Variants in RIMBP2 observed in about 807,000 individuals in gnomAD.
RIMBP2 encodes the protein RIMS binding protein 2.
RIMBP2 carries 48 observed loss-of-function variants against 118.6 expected under a neutral mutation model. That is an observed-to-expected ratio of 0.40 (90% CI 0.32 to 0.51). The LOEUF is 0.51. Among genes scored for constraint, RIMBP2 ranks in the 20% least tolerant of loss-of-function variants. The pLI, the probability that RIMBP2 is intolerant of heterozygous loss-of-function variation, is 0.41. For synonymous variants in RIMBP2, 762 were observed against 742.9 expected (o/e 1.03, Z -0.42); for missense variants, 1,551 against 1,768.3 (o/e 0.88, Z 2.20).
At chr12:130,707,708 G>A (rs982286796) in intron 1 of RIMBP2, among the ~76,000 whole-genome samples, 11 of 152,166 alleles carry the variant, frequency 7.2e-5, no homozygotes, top group African/African-American at 2.4e-5. Flanking sequence ...GGACACAGGA[G>A]GCCTGGGGGC....
intron 2 of RIMBP2, among the ~76,000 whole-genome samples, chr12:130,603,633 TC>T (rs2059995299): frequency 6.6e-6 from 1 of 152,194 alleles, no homozygotes; most frequent in African/African-American, 2.4e-5. Context: ...GAACAATGTT[TC>T]CGTCAAGGAG....
intron 22 of RIMBP2, chr12:130,397,872 G>A (rs1270217902): frequency 1.0e-5 from 2 of 193,284 alleles, no homozygotes; most frequent in Admixed American, 6.1e-5. Context: ...AAATTAGGTT[G>A]ATAGTAAAGT....
intron 2 of RIMBP2, among the ~76,000 whole-genome samples, chr12:130,596,718 C>T (rs1031829783): frequency 1.2e-4 from 19 of 152,324 alleles, no homozygotes; most frequent in African/African-American, 4.6e-4. Flanking sequence ...TTAAGAGCCC[C>T]TAACAGCCCC....
At chr12:130,404,488 C>T (rs1010992852) in intron 21 of RIMBP2, among the ~76,000 whole-genome samples, 1 of 152,064 alleles carries the variant, frequency 6.6e-6, no homozygotes, top group African/African-American at 2.4e-5. Flanking sequence ...TCAGTAGAAA[C>T]GGGGTTTCAC....
chr12:130,539,344 A>G (rs2054359753), intron 2 of RIMBP2, among the ~76,000 whole-genome samples: 1 of 152,226 alleles, frequency 6.6e-6, no homozygotes, highest in Non-Finnish European at 1.5e-5. Context: ...AGGAATATGA[A>G]GGAGGAAACA....
intron 17 of RIMBP2, among the ~76,000 whole-genome samples, chr12:130,417,078 T>C (rs1467169292): frequency 6.6e-6 from 1 of 151,686 alleles, no homozygotes; most frequent in Admixed American, 6.6e-5. Flanking sequence ...GATTAAAAAG[T>C]CAAAAAATAG....
chr12:130,542,356 C>T (rs1227323180), intron 2 of RIMBP2, among the ~76,000 whole-genome samples: 1 of 152,154 alleles, frequency 6.6e-6, no homozygotes, highest in African/African-American at 2.4e-5. Context: ...TTCCATAGGA[C>T]ATCAAATCTA....
intron 2 of RIMBP2, among the ~76,000 whole-genome samples, chr12:130,619,798 A>G (rs1024512015): frequency 1.5e-4 from 23 of 152,164 alleles, no homozygotes; most frequent in African/African-American, 5.1e-4. Context: ...GTCTGTGGAT[A>G]TCTATCAGCG....
At chr12:130,684,890 T>C (rs1323832543) in intron 1 of RIMBP2, among the ~76,000 whole-genome samples, 2 of 152,168 alleles carry the variant, frequency 1.3e-5, no homozygotes, top group East Asian at 3.9e-4. Flanking sequence ...CCTTCACTTC[T>C]TCATAAACTT....
chr12:130,610,801 C>T (rs1218171708), intron 2 of RIMBP2, among the ~76,000 whole-genome samples: 1 of 151,918 alleles, frequency 6.6e-6, no homozygotes, highest in Non-Finnish European at 1.5e-5. Context: ...ACCTCGTGAT[C>T]CGCCCGCCTC....
At chr12:130,647,477 G>A (rs113341083) in intron 1 of RIMBP2, among the ~76,000 whole-genome samples, 1 of 82,266 alleles carries the variant, frequency 1.2e-5, no homozygotes, top group Non-Finnish European at 2.3e-5. Flanking sequence ...ATCTGTCTCT[G>A]GGTTGTTTTT....
chr12:130,636,947 G>A (rs2062377139), intron 1 of RIMBP2, among the ~76,000 whole-genome samples: 1 of 152,194 alleles, frequency 6.6e-6, no homozygotes, highest in Admixed American at 6.5e-5. Flanking sequence ...ACCTAGTAAT[G>A]CCTTGGGGAT....
At chr12:130,413,289 A>G (rs1178698159) in intron 18 of RIMBP2, among the ~76,000 whole-genome samples, 1 of 151,938 alleles carries the variant, frequency 6.6e-6, no homozygotes, top group African/African-American at 2.4e-5. Context: ...CCCCTCTCCT[A>G]CTGAACAGCA....
intron 14 of RIMBP2, chr12:130,432,060 A>T: frequency 3.0e-6 from 1 of 338,840 alleles, no homozygotes; most frequent in Non-Finnish European, 5.8e-6. Flanking sequence ...ACAGCGCTGA[A>T]TGCCGATCTC....
rs545508149 is a variant in RIMBP2, at chr12:130,444,982, T to C, written c.691+178A>G. On this transcript the variant is annotated intron_variant, in intron 10 of 22. Transcript: ENST00000690449. ...TACTGGAAACCCCACTCAGGTTTCT[T>C]TCCAGTCGTCAAAGAGGGCAAACCT... is the stretch of plus-strand genomic sequence containing the variant. Among the ~76,000 whole-genome samples the C allele has an allele frequency of 2.6e-3, 395 of 152,280 alleles. 1 individual carries two copies. The highest frequency in any genetic ancestry group is 9.0e-3 in the African/African-American group (375 of 41,558).
At chr12:130,635,081 C>G (rs962462469) in intron 1 of RIMBP2, among the ~76,000 whole-genome samples, 1 of 152,184 alleles carries the variant, frequency 6.6e-6, no homozygotes, top group African/African-American at 2.4e-5. Flanking sequence ...AGGATGGAGC[C>G]CATCCCCTGC....
At chr12:130,544,141 T>C (rs748496545) in intron 2 of RIMBP2, among the ~76,000 whole-genome samples, 2 of 152,232 alleles carry the variant, frequency 1.3e-5, no homozygotes, top group Non-Finnish European at 2.9e-5. Context: ...ATCCATATCC[T>C]ATCTGTAAGG....
At chr12:130,441,401 A>AAATAATCATAAT (rs1486168385) in intron 11 of RIMBP2, among the ~76,000 whole-genome samples, 3 of 122,902 alleles carry the variant, frequency 2.4e-5, no homozygotes, top group Non-Finnish European at 3.5e-5. Flanking sequence ...ACTCCATCTC[A>AAATAATCATAAT]AATAATAATA....
chr12:130,707,343 C>G (rs900968856), intron 1 of RIMBP2, among the ~76,000 whole-genome samples: 1 of 152,160 alleles, frequency 6.6e-6, no homozygotes. Flanking sequence ...GTCCCCCCCA[C>G]GCCCAGGAGT....
Sources: allele counts gnomAD v4.1 joint callset (sites outside exome capture counted in the v4.1 genomes callset), GRCh38; gene constraint gnomAD v4.1.1; transcripts MANE v1.5; gene names NCBI Gene and HGNC (gene_info 2026-07-23, HGNC 2026-07-21).